Variants in ZNF7 observed in about 807,000 individuals in gnomAD.
The protein encoded by ZNF7 is C2-H2 type zinc finger protein.
ZNF7 carries 10 observed loss-of-function variants against 12.0 expected under a neutral mutation model. That is an observed-to-expected ratio of 0.83 (90% CI 0.51 to 1.42). ZNF7 has a LOEUF of 1.42. Among genes scored for constraint, ZNF7 ranks in the 40% most tolerant of loss-of-function variants. The probability of loss-of-function intolerance (pLI) is 0.00; values close to 1 mark genes in which losing one functional copy is unlikely to be tolerated. For synonymous variants in ZNF7, 334 were observed against 295.0 expected (o/e 1.13, Z -1.35); for missense variants, 854 against 837.2 (o/e 1.02, Z -0.25).
intron 3 of ZNF7, chr8:144,836,133 C>G (rs986048779): frequency 6.6e-6 from 1 of 152,168 alleles, no homozygotes; most frequent in African/African-American, 2.4e-5. Flanking sequence ...ATTGTTTGAG[C>G]CCAGGAGTTT....
intron 4 of ZNF7, among the ~76,000 whole-genome samples, chr8:144,840,322 C>T (rs1270253481): frequency 6.6e-6 from 1 of 152,202 alleles, no homozygotes; most frequent in Non-Finnish European, 1.5e-5. Context: ...GATAGGAAGA[C>T]CTTTGGAGAT....
chr8:144,845,939 G>T (rs1830489882), downstream of ZNF7: 2 of 1,530,516 alleles, frequency 1.3e-6, no homozygotes, highest in Non-Finnish European at 1.7e-6. Context: ...TCACCTTCAG[G>T]TCTAGCACAG....
chr8:144,840,516 G>A (rs751747472), intron 4 of ZNF7, among the ~76,000 whole-genome samples: 12 of 152,316 alleles, frequency 7.9e-5, no homozygotes, highest in Non-Finnish European at 1.0e-4. Flanking sequence ...GATCATAGCC[G>A]TGTGTTGTGG....
chr8:144,846,750 G>A (rs1368170872), downstream of ZNF7: 3 of 152,738 alleles, frequency 2.0e-5, no homozygotes, highest in Non-Finnish European at 4.4e-5. Flanking sequence ...TCAGGCTGAA[G>A]TGCAGTGGTG....
chr8:144,837,672 G>A (rs113259854), intron 4 of ZNF7, among the ~76,000 whole-genome samples, 165 bp downstream of exon 4: 5 of 152,314 alleles, frequency 3.3e-5, no homozygotes, highest in South Asian at 4.1e-4. Flanking sequence ...GCATAGACCC[G>A]TTGTGGGGCT....
In ZNF7 at chr8:144,840,749, A is replaced by C. The variant is rs565089792; in HGVS notation, c.248-606A>C. ...GGCCACGCACAGCCCAGGGAGAAGC[A>C]GGGGAGGTGGCCAGGTGCAAGTTGG... On this transcript the variant is annotated intron_variant, in intron 4 of 4. Transcript: ENST00000532777. Among the ~76,000 whole-genome samples, 5 of 152,236 alleles carry C rather than the reference A, an allele frequency of 3.3e-5. No individual in the cohort carries two copies. In the East Asian group the frequency reaches 9.7e-4, roughly 29 times the overall value.
intron 2 of ZNF7, 83 bp downstream of exon 2, chr8:144,829,173 CCCTA>C: frequency 6.2e-7 from 1 of 1,602,572 alleles, no homozygotes; most frequent in Non-Finnish European, 8.5e-7. Context: ...TGGGCCCAGA[CCCTA>C]CCTTGGCCCT....
chr8:144,841,205 C>A (rs1276764622), intron 4 of ZNF7, 150 bp from the exon 5 acceptor site: 1 of 760,870 alleles, frequency 1.3e-6, no homozygotes. Flanking sequence ...CTGTCAAAGG[C>A]TCTGCCTTCT....
intron 1 of ZNF7, 103 bp from the exon 2 acceptor site, chr8:144,828,940 T>G: frequency 6.9e-7 from 1 of 1,451,420 alleles, no homozygotes; most frequent in South Asian, 1.3e-5. Flanking sequence ...TAGAGAAATC[T>G]GGGGCTGGAG....
At chr8:144,838,086 C>G (rs1829286063) in intron 4 of ZNF7, 3 of 703,024 alleles carry the variant, frequency 4.3e-6, no homozygotes, top group Non-Finnish European at 7.8e-6. Context: ...GGGAAGGATC[C>G]TGTCCTGCCT....
intron 1 of ZNF7, chr8:144,827,920 G>C (rs1278911076): frequency 6.5e-6 from 1 of 154,436 alleles, no homozygotes; most frequent in Non-Finnish European, 1.4e-5. Context: ...CTTTTCTTCA[G>C]GCCTGGGTCT....
rs1230510754 is a variant in ZNF7, at chr8:144,829,550, A to C, written c.76A>C (p.Arg26=). ...GTGGCAGTGTCTGGACCCTGGCCAG[A>C]GGGCCCTCTACAGGGAAGTGATGCT... ...EEWQCLDPGQ[R]ALYREVMLEN... is the part of the protein sequence containing the mutation. The change falls in exon 3 of 5, where the codon AGG becomes CGG. Residue 26 remains arginine (R), a synonymous_variant. Coordinates refer to ENST00000532777, the MANE Select transcript of ZNF7 (RefSeq NM_003416.4). The C allele has an allele frequency of 4.5e-5, 73 of 1,613,974 alleles. No individual in the cohort carries two copies. The highest frequency in any genetic ancestry group is 5.8e-5 in the Non-Finnish European group (69 of 1,179,982).
chr8:144,841,342 C>T lies in ZNF7; in HGVS notation c.248-13C>T. ...CAGGGCCTAAGGAACGTCTTTGTTC[C>T]TGTTTATTTCAGATTCTACGATTAG... On this transcript the variant is annotated splice_polypyrimidine_tract_variant and intron_variant, in intron 4 of 4. Transcript: ENST00000532777. 6.3e-7 allele frequency: 1 copy of T among 1,591,042 alleles called. No homozygotes were observed. The highest frequency in any genetic ancestry group is 1.1e-5 in the South Asian group (1 of 89,114).
chr8:144,829,164 G>GGGCCCAGACCCTACCTT, intron 2 of ZNF7, 74 bp downstream of exon 2: 10 of 1,606,658 alleles, frequency 6.2e-6, no homozygotes, highest in Non-Finnish European at 8.5e-6. Flanking sequence ...CACTGGCCCT[G>GGGCCCAGACCCTACCTT]GGCCCAGACC....
At position 144,842,267 on chromosome 8, in the gene ZNF7, A is replaced by C. The variant is rs1452732863; in HGVS notation, c.1160A>C (p.Glu387Ala). 1.2e-6 allele frequency: 2 copies of C among 1,613,996 alleles called. No individual in the cohort carries two copies. Among genetic ancestry groups the C allele is most frequent in the East Asian group, 4.5e-5 (2 of 44,882 alleles). Reference sequence around the variant, plus strand: ...CAGCATCAAAGGATGCATACTGGGGAGAAAGCTCAAATTCTAAAAGCCTCA... The same window carrying C: ...CAGCATCAAAGGATGCATACTGGGGCGAAAGCTCAAATTCTAAAAGCCTCA... ...LAQHQRMHTG[E>A]KAQILKASDS... The change falls in exon 5 of 5, where the codon GAG becomes GCG. Residue 387 changes from glutamate (E) to alanine (A), a missense_variant. By Grantham distance (107) the Glu-to-Ala change is moderately radical (BLOSUM62 -1). Transcript: ENST00000532777.
chr8:144,827,678 C>A (rs1827924069), intron 1 of ZNF7, 69 bp downstream of exon 1: 2 of 985,076 alleles, frequency 2.0e-6, no homozygotes, highest in South Asian at 9.4e-5. Flanking sequence ...GCTTCCTTAG[C>A]CCTCCCGCCT....
intron 3 of ZNF7, chr8:144,834,704 A>G (rs2130589996): frequency 6.6e-6 from 1 of 151,332 alleles, no homozygotes; most frequent in East Asian, 1.9e-4. Flanking sequence ...TTCTGTTCAT[A>G]AGTGAAATGG....
chr8:144,843,924 G>GAACTT (rs1281798655), downstream of ZNF7, among the ~76,000 whole-genome samples: 2 of 152,288 alleles, frequency 1.3e-5, no homozygotes, highest in Admixed American at 6.5e-5. Flanking sequence ...CCTTGTCTTA[G>GAACTT]AACTTAACCC....
chr8:144,834,729 G>A (rs1828799745), intron 3 of ZNF7: 2 of 148,498 alleles, frequency 1.3e-5, no homozygotes, highest in African/African-American at 4.9e-5. Context: ...ATATATATAT[G>A]TATATATATT....
Sources: allele counts gnomAD v4.1 joint callset (sites outside exome capture counted in the v4.1 genomes callset), GRCh38; gene constraint gnomAD v4.1.1; transcripts MANE v1.5; gene names NCBI Gene and HGNC (gene_info 2026-07-23, HGNC 2026-07-21).